Variants in KDM3A observed in about 807,000 individuals in gnomAD.
KDM3A encodes the protein lysine demethylase 3A.
A neutral mutation model predicts 158.0 loss-of-function variants in KDM3A; 60 were observed. That is an observed-to-expected ratio of 0.38 (90% CI 0.31 to 0.47). KDM3A has a LOEUF of 0.47. Among genes scored for constraint, KDM3A ranks in the 20% least tolerant of loss-of-function variants. The probability of loss-of-function intolerance (pLI) is 0.99; values close to 1 mark genes in which losing one functional copy is unlikely to be tolerated. For synonymous variants in KDM3A, 608 were observed against 549.3 expected (o/e 1.11, Z -1.49); for missense variants, 1,319 against 1,574.3 (o/e 0.84, Z 2.74).
chr2:86,479,907 A>G (rs1206857632), intron 15 of KDM3A: 1 of 481,958 alleles, frequency 2.1e-6, no homozygotes, highest in Admixed American at 3.5e-5. Flanking sequence ...AGTAATAGGG[A>G]TATGTACCAG....
chr2:86,461,948 C>A (rs59305606), intron 8 of KDM3A, among the ~76,000 whole-genome samples: 34,555 of 151,878 alleles, frequency 0.23, 5,469 homozygotes, highest in African/African-American at 0.46. Flanking sequence ...ACATGGGATT[C>A]TTGTAGGCAG....
chr2:86,484,015 A>G lies in KDM3A; in HGVS notation c.2951A>G (p.Lys984Arg). The G allele has an allele frequency of 6.2e-7, 1 of 1,613,680 alleles. No individual in the cohort carries two copies. Among genetic ancestry groups the G allele is most frequent in the Non-Finnish European group, 8.5e-7 (1 of 1,179,766 alleles). Residue 984 changes from lysine to arginine, a missense_variant, in exon 19 of 26, where the codon AAA becomes AGA. Around this residue, in one of 4 missense-constraint regions of KDM3A, gnomAD observed 368 missense variants for 415.8 expected, o/e 0.89. Transcript: ENST00000312912. ...QPVMVSGVHHKLNSELWKPES... is the reference protein window; with the variant it reads ...QPVMVSGVHHRLNSELWKPES... ...GTGATGGTGTCTGGAGTGCATCATA[A>G]ATTGAACTCTGAACTTTGGAAACCT... is the stretch of plus-strand genomic sequence containing the variant.
chr2:86,482,732 C>T, intron 18 of KDM3A, 38 bp downstream of exon 18: 1 of 1,599,958 alleles, frequency 6.3e-7, no homozygotes, highest in Non-Finnish European at 8.5e-7. Flanking sequence ...CTATTCAGAA[C>T]CCCCTTCTCA....
intron 12 of KDM3A, among the ~76,000 whole-genome samples, chr2:86,477,455 T>C (rs1023500763): frequency 5.3e-5 from 8 of 152,188 alleles, no homozygotes; most frequent in Non-Finnish European, 1.0e-4. Flanking sequence ...TAAATTTTTC[T>C]TTTTTCCTTT....
intron 21 of KDM3A, 130 bp from the exon 22 acceptor site, chr2:86,489,188 A>T: frequency 9.2e-7 from 1 of 1,089,600 alleles, no homozygotes; most frequent in Non-Finnish European, 1.3e-6. Context: ...TTTTTGCAAT[A>T]ATTTGATCCA....
At chr2:86,457,647 T>C (rs1281178969) in intron 8 of KDM3A, among the ~76,000 whole-genome samples, 1 of 152,158 alleles carries the variant, frequency 6.6e-6, no homozygotes, top group Admixed American at 6.5e-5. Context: ...TAAAGGTAAA[T>C]TGAGTTGTGT....
Position 86,442,001 on chromosome 2 carries a change from T to G in KDM3A, c.-30-17T>G. On this transcript the variant is annotated splice_polypyrimidine_tract_variant and intron_variant, in intron 1 of 25. Coordinates refer to ENST00000312912, the MANE Select transcript of KDM3A (RefSeq NM_018433.6). ...CACCGGCCGCCCCCGTCGCATTTTG[T>G]TTTTGTGTTTTTGCAGGGAGGAGCT... 63 of 1,505,928 alleles carry G rather than the reference T, an allele frequency of 4.2e-5. No homozygotes were observed. The highest frequency in any genetic ancestry group is 5.4e-5 in the East Asian group (2 of 37,134). The allele number at this position is 1,505,928 out of a possible 1,614,324, so 93.3% of individuals were successfully genotyped here. A position where few individuals can be genotyped will look rare whatever the true frequency, so the allele number is the denominator to read the frequency against.
chr2:86,484,009 A>G lies in KDM3A; in HGVS notation c.2945A>G (p.His982Arg), dbSNP rs1390582831. 1.9e-6 allele frequency: 3 copies of G among 1,613,644 alleles called. No individual in the cohort carries two copies. Among genetic ancestry groups the G allele is most frequent in the Non-Finnish European group, 2.5e-6 (3 of 1,179,730 alleles). ...QGQPVMVSGV[H>R]HKLNSELWKP... ...TAGCCAGTGATGGTGTCTGGAGTGC[A>G]TCATAAATTGAACTCTGAACTTTGG... Residue 982 changes from histidine (H) to arginine (R), a missense_variant, in exon 19 of 26, where the codon CAT becomes CGT. By Grantham distance (29) the His-to-Arg change is conservative (BLOSUM62 0). Coordinates refer to ENST00000312912, the MANE Select transcript of KDM3A (RefSeq NM_018433.6).
intron 11 of KDM3A, among the ~76,000 whole-genome samples, chr2:86,471,256 T>G (rs1673386174): frequency 6.6e-6 from 1 of 151,164 alleles, no homozygotes; most frequent in Non-Finnish European, 1.5e-5. Flanking sequence ...AATATATGTG[T>G]GTATATATAT....
chr2:86,452,493 TA>T (rs1672511289), intron 4 of KDM3A, among the ~76,000 whole-genome samples: 1 of 152,172 alleles, frequency 6.6e-6, no homozygotes. Flanking sequence ...CAGTATTTGT[TA>T]ATAAAACATT....
At chr2:86,488,985 C>G (rs953388903) in intron 21 of KDM3A, 2 of 247,438 alleles carry the variant, frequency 8.1e-6, no homozygotes, top group African/African-American at 2.3e-5. Context: ...TCGAGTGGTC[C>G]TTGGGCTTTG....
chr2:86,478,767 C>G (rs1344763018), intron 15 of KDM3A, 32 bp downstream of exon 15: 2 of 1,599,654 alleles, frequency 1.3e-6, no homozygotes, highest in Non-Finnish European at 1.7e-6. Context: ...TTCAACATCT[C>G]TTGTAATTGT....
chr2:86,449,906 T>C lies in KDM3A; in HGVS notation c.286T>C (p.Leu96=). The C allele has an allele frequency of 6.2e-7, 1 of 1,613,926 alleles. No individual in the cohort carries two copies. The highest frequency in any genetic ancestry group is 8.5e-7 in the Non-Finnish European group (1 of 1,179,878). The change falls in exon 3 of 26, where the codon TTA becomes CTA. Residue 96 remains leucine (L), a synonymous_variant. Coordinates refer to ENST00000312912, the MANE Select transcript of KDM3A (RefSeq NM_018433.6). Reference sequence around the variant, plus strand: ...ATTTTTAGTAGAACATAATTTGGTTTTAGCTGAACGAAAGTCACCTGAAAT... The same window carrying C: ...ATTTTTAGTAGAACATAATTTGGTTCTAGCTGAACGAAAGTCACCTGAAAT... The part of the protein sequence containing the change: ...RAFLVEHNLV[L]AERKSPEISE...
intron 12 of KDM3A, among the ~76,000 whole-genome samples, chr2:86,475,572 G>GCA (rs1673624362): frequency 6.6e-6 from 1 of 152,168 alleles, no homozygotes; most frequent in Admixed American, 6.5e-5. Flanking sequence ...AGGGTAGGTG[G>GCA]CACATTAGAG....
intron 2 of KDM3A, among the ~76,000 whole-genome samples, chr2:86,443,767 A>G (rs1307924516): frequency 2.0e-5 from 3 of 152,266 alleles, no homozygotes; most frequent in East Asian, 3.9e-4. Flanking sequence ...CATTCGGCTC[A>G]TTCTCCTGCC....
intron 12 of KDM3A, among the ~76,000 whole-genome samples, chr2:86,476,505 GAA>G (rs757468779): frequency 2.6e-5 from 4 of 152,182 alleles, no homozygotes; most frequent in Non-Finnish European, 5.9e-5. Context: ...ACTGGAGAGA[GAA>G]ACTCACTGTG....
intron 8 of KDM3A, among the ~76,000 whole-genome samples, chr2:86,457,828 T>G (rs895189008): frequency 6.6e-6 from 1 of 152,206 alleles, no homozygotes; most frequent in Non-Finnish European, 1.5e-5. Flanking sequence ...CTAATTTCTG[T>G]CCAGAAAAGT....
chr2:86,437,334 G>A (rs1031787918), upstream of KDM3A, among the ~76,000 whole-genome samples: 1 of 152,004 alleles, frequency 6.6e-6, no homozygotes, highest in Non-Finnish European at 1.5e-5. Context: ...TAGCGATGAG[G>A]TCTCACCATG....
chr2:86,454,138 T>A (rs1037035441), intron 4 of KDM3A, among the ~76,000 whole-genome samples: 1 of 152,216 alleles, frequency 6.6e-6, no homozygotes, highest in Non-Finnish European at 1.5e-5. Flanking sequence ...CACCTCCCTT[T>A]TTGTAAAAAA....
Sources: gnomAD v4.1 joint callset for allele counts (sites outside exome capture counted in the v4.1 genomes callset) on GRCh38, gnomAD v4.1.1 for gene constraint, gnomAD v4.1.1 regional missense constraint, MANE v1.5 for transcripts, NCBI Gene and HGNC (gene_info 2026-07-23, HGNC 2026-07-21) for gene names.